The following CDKN1A variants were observed in gnomAD, a reference collection of about 807,000 sequenced individuals.
The protein encoded by CDKN1A is cyclin dependent kinase inhibitor 1A, also known as cyclin-dependent kinase inhibitor 1.
A neutral mutation model predicts 14.8 loss-of-function variants in CDKN1A; 14 were observed. That is an observed-to-expected ratio of 0.94 (90% CI 0.62 to 1.48). The LOEUF (loss-of-function observed/expected upper bound fraction) is 1.48, where lower values mean the gene tolerates loss of function less well. CDKN1A is among the 40% of genes most tolerant of loss of function. CDKN1A has a pLI of 0.00. For missense variants in CDKN1A, 203 were observed against 231.7 expected (o/e 0.88, Z 0.80); for synonymous variants, 92 against 93.5 (o/e 0.98, Z 0.09).
chr6:36,685,272 G>A (rs1048675718), intron 2 of CDKN1A, among the ~76,000 whole-genome samples: 3 of 152,282 alleles, frequency 2.0e-5, no homozygotes, highest in East Asian at 1.9e-4. Flanking sequence ...ATATGGGCCC[G>A]GCATTGTGCT....
At position 36,684,268 on chromosome 6, in the gene CDKN1A, A is replaced by T. The variant is rs2150313368; in HGVS notation, c.167A>T (p.Glu56Val). The change falls in exon 2 of 3, where the codon GAG (glutamate) becomes GTG (valine). Residue 56 changes from glutamate to valine, a missense_variant. By Grantham distance (121) the Glu-to-Val change is moderately radical. Transcript: ENST00000244741. The surrounding 1 kb of genome is among the most constrained non-coding windows in gnomAD (Gnocchi z 6.0). Reference protein sequence around the residue: ...RERWNFDFVTETPLEGDFAWE... With the variant: ...RERWNFDFVTVTPLEGDFAWE... ...CGATGGAACTTCGACTTTGTCACCGAGACACCACTGGAGGGTGACTTCGCC... is the reference window on the plus strand; with the variant it reads ...CGATGGAACTTCGACTTTGTCACCGTGACACCACTGGAGGGTGACTTCGCC... 6.2e-7 allele frequency: 1 copy of T among 1,612,972 alleles called. No homozygotes were observed. The highest frequency in any genetic ancestry group is 8.5e-7 in the Non-Finnish European group (1 of 1,179,974).
At chr6:36,681,285 T>TTTCC (rs1761945598) in intron 1 of CDKN1A, among the ~76,000 whole-genome samples, 2 of 55,644 alleles carry the variant, frequency 3.6e-5, no homozygotes, top group African/African-American at 1.6e-4. Context: ...TCTTTTTTTC[T>TTTCC]TTCTTTCTTT....
In CDKN1A at chr6:36,684,583, CAGGA is replaced by C; in HGVS notation, c.445+38_445+41del. The C allele has an allele frequency of 1.3e-6, 2 of 1,582,410 alleles. No individual in the cohort carries two copies. The highest frequency in any genetic ancestry group is 8.7e-7 in the Non-Finnish European group (1 of 1,152,704). On this transcript the variant is annotated intron_variant, in intron 2 of 2. Coordinates refer to ENST00000244741, the MANE Select transcript of CDKN1A (RefSeq NM_000389.5). This position sits in a 1 kb window ranked among gnomAD's most constrained non-coding sequence, Gnocchi z 6.0. Reference sequence around the variant, plus strand: ...TGCACGGAAGGACTTTGTAAGGGACCAGGATTCTCAGAATCCATGGTCCAAGGGC... The same window carrying C: ...TGCACGGAAGGACTTTGTAAGGGACCTTCTCAGAATCCATGGTCCAAGGGC...
chr6:36,681,560 G>A (rs1211540037), intron 1 of CDKN1A, among the ~76,000 whole-genome samples: 1 of 144,026 alleles, frequency 6.9e-6, no homozygotes, highest in African/African-American at 2.6e-5. Context: ...GACCACAGGC[G>A]TGATCCCCCC....
chr6:36,681,360 CTTTT>C (rs1338487978), intron 1 of CDKN1A, among the ~76,000 whole-genome samples: 1 of 50,138 alleles, frequency 2.0e-5, no homozygotes, highest in African/African-American at 7.1e-5. Context: ...CTTTTTCTTT[CTTTT>C]CTTTCTTTCT....
chr6:36,679,616 G>C (rs1476252188), intron 1 of CDKN1A, among the ~76,000 whole-genome samples: 1 of 152,218 alleles, frequency 6.6e-6, no homozygotes, highest in Non-Finnish European at 1.5e-5. Flanking sequence ...CCGGGCACTG[G>C]AGGTCCGGGA....
At chr6:36,677,924 T>G (rs1267236309), upstream of CDKN1A, 1 of 1,341,892 alleles carries the variant, frequency 7.5e-7, no homozygotes, top group Admixed American at 2.2e-5. Context: ...CAGGGATTTC[T>G]TCTGTTCAGG....
At chr6:36,677,753 C>T (rs1264511035), upstream of CDKN1A, 3 of 639,016 alleles carry the variant, frequency 4.7e-6, no homozygotes, top group Non-Finnish European at 2.6e-6. Flanking sequence ...TGTGTTCCAA[C>T]TATAGTCATT....
At chr6:36,677,569 A>G (rs990338211), upstream of CDKN1A, 1 of 356,138 alleles carries the variant, frequency 2.8e-6, no homozygotes, top group African/African-American at 2.1e-5. Flanking sequence ...GGATAGACAC[A>G]TCACTCATTT....
In CDKN1A at chr6:36,685,767, A is replaced by G. The variant is rs781057608; in HGVS notation, c.462A>G (p.Lys154=). 9.3e-6 allele frequency: 15 copies of G among 1,613,932 alleles called. No individual in the cohort carries two copies. Among genetic ancestry groups the G allele is most frequent in the Non-Finnish European group, 1.3e-5 (15 of 1,179,968 alleles). ...QTSMTDFYHS[K]RRLIFSKRKP The stretch of plus-strand genomic sequence containing the variant: ...TCTCCTCAGATTTCTACCACTCCAA[A>G]CGCCGGCTGATCTTCTCCAAGAGGA... Residue 154 remains lysine, a synonymous_variant, in exon 3 of 3, where the codon AAA becomes AAG. Coordinates refer to ENST00000244741, the MANE Select transcript of CDKN1A (RefSeq NM_000389.5).
At position 36,684,935 on chromosome 6, in the gene CDKN1A, G is replaced by A. The variant is rs1198439148; in HGVS notation, c.445+389G>A. Among the ~76,000 whole-genome samples the A allele has an allele frequency of 1.3e-5, 2 of 152,172 alleles. No individual in the cohort carries two copies. Among genetic ancestry groups the A allele is most frequent in the Admixed American group, 6.6e-5 (1 of 15,266 alleles). On this transcript the variant is annotated intron_variant, in intron 2 of 2. Transcript: ENST00000244741. This position sits in a 1 kb window ranked among gnomAD's most constrained non-coding sequence, Gnocchi z 6.0. Reference sequence around the variant, plus strand: ...CAGCTTCAAACTCCTGGGCTCAAGCGATCTTCCTACCTCAGCCTCCTGGGT... The same window carrying A: ...CAGCTTCAAACTCCTGGGCTCAAGCAATCTTCCTACCTCAGCCTCCTGGGT...
At chr6:36,678,688 C>T (rs891719643), upstream of CDKN1A, 2 of 985,400 alleles carry the variant, frequency 2.0e-6, no homozygotes, top group Non-Finnish European at 2.4e-6. The surrounding 1 kb of genome is among the most constrained non-coding windows in gnomAD (Gnocchi z 5.7). Flanking sequence ...GGTTGTATAT[C>T]AGGGCCGCGC....
chr6:36,681,320 CTTTCTTTCTTTCTT>C (rs1562038142), intron 1 of CDKN1A, among the ~76,000 whole-genome samples: 3 of 127,494 alleles, frequency 2.4e-5, no homozygotes, highest in South Asian at 2.7e-4. Flanking sequence ...TTCTTTCTTT[CTTTCTTTCTTTCTT>C]TTTCTTTCTT....
In CDKN1A at chr6:36,687,287, G is replaced by A; in HGVS notation, c.*1487G>A. On this transcript the variant is annotated 3_prime_UTR_variant, in exon 3 of 3. Transcript: ENST00000244741. ...TGTCTTTCACAGCTCCTCCCACAAT[G>A]CTGAATATACAGCAGGTGCTCAATA... 1 of 232,746 alleles carries A rather than the reference G, an allele frequency of 4.3e-6. No homozygotes were observed. Among genetic ancestry groups the A allele is most frequent in the Non-Finnish European group, 8.5e-6 (1 of 117,796 alleles). The allele number at this position is 232,746 out of a possible 1,614,324, so 14.4% of individuals were successfully genotyped here. A position where few individuals can be genotyped will look rare whatever the true frequency, so the allele number is the denominator to read the frequency against.
chr6:36,681,350 CTT>C (rs1374870967), intron 1 of CDKN1A, among the ~76,000 whole-genome samples: 1,596 of 91,644 alleles, frequency 0.017, 120 homozygotes, highest in South Asian at 0.03. Flanking sequence ...TTCTTTCTTT[CTT>C]TTTCTTTCTT....
rs2150313128 is a variant in CDKN1A, at chr6:36,684,215, G to A, written c.114G>A (p.Met38Ile). The change falls in exon 2 of 3, where the codon ATG (methionine) becomes ATA (isoleucine). Residue 38 changes from methionine (M) to isoleucine (I), a missense_variant. Coordinates refer to ENST00000244741, the MANE Select transcript of CDKN1A (RefSeq NM_000389.5). The surrounding 1 kb of genome is among the most constrained non-coding windows in gnomAD (Gnocchi z 6.0). ...TGAGCCGCGACTGTGATGCGCTAAT[G>A]GCGGGCTGCATCCAGGAGGCCCGTG... ...EQLSRDCDAL[M>I]AGCIQEARER... 3.7e-6 allele frequency: 6 copies of A among 1,611,960 alleles called. No individual in the cohort carries two copies. Among genetic ancestry groups the A allele is most frequent in the Non-Finnish European group, 5.1e-6 (6 of 1,179,980 alleles).
intron 1 of CDKN1A, among the ~76,000 whole-genome samples, chr6:36,681,559 C>T (rs1237696617): frequency 1.4e-5 from 2 of 146,590 alleles, no homozygotes; most frequent in Non-Finnish European, 3.0e-5. Flanking sequence ...GGACCACAGG[C>T]GTGATCCCCC....
At chr6:36,680,056 G>C (rs922027382) in intron 1 of CDKN1A, among the ~76,000 whole-genome samples, 1 of 152,170 alleles carries the variant, frequency 6.6e-6, no homozygotes, top group Non-Finnish European at 1.5e-5. Flanking sequence ...CAAACCCCTG[G>C]GGGACACTTG....
At chr6:36,683,995 T>C (rs1762100460) in intron 1 of CDKN1A, 102 bp from the exon 2 acceptor site, 3 of 1,117,090 alleles carry the variant, frequency 2.7e-6, no homozygotes, top group Admixed American at 2.0e-5. Context: ...AGAGACCCTC[T>C]GGTAGGAAGA....
Sources: gnomAD v4.1 joint callset for allele counts (sites outside exome capture counted in the v4.1 genomes callset) on GRCh38, gnomAD v4.1.1 for gene constraint, Gnocchi (gnomAD v3.1) non-coding constraint, MANE v1.5 for transcripts, NCBI Gene and HGNC (gene_info 2026-07-23, HGNC 2026-07-21) for gene names.